The following CCDC38 variants were observed in gnomAD, a reference collection of about 807,000 sequenced individuals.
The protein encoded by CCDC38 is coiled-coil domain containing 38.
In CCDC38, 69 loss-of-function variants were observed where a neutral mutation model predicts 72.8. The ratio of observed to expected loss-of-function variants is 0.95; its 90% CI spans 0.78 to 1.16. CCDC38 has a LOEUF of 1.16. CCDC38 is among the 50% of genes most tolerant of loss of function. The pLI, the probability that CCDC38 is intolerant of heterozygous loss-of-function variation, is 0.00. For synonymous variants in CCDC38, 201 were observed against 213.2 expected, an observed-to-expected ratio of 0.94 and a Z score of 0.50; for missense variants, 626 against 638.9, an observed-to-expected ratio of 0.98 and a Z score of 0.22.
At chr12:95,897,727 A>G (rs369008287) in intron 7 of CCDC38, among the ~76,000 whole-genome samples, 1 of 151,884 alleles carries the variant, frequency 6.6e-6, no homozygotes, top group Non-Finnish European at 1.5e-5. Context: ...TCCTGCTCCA[A>G]TGCTTTTTTC....
At chr12:95,903,509 A>G in intron 5 of CCDC38, 1 of 697,944 alleles carries the variant, frequency 1.4e-6, no homozygotes, top group Non-Finnish European at 2.6e-6. Flanking sequence ...TTAGATATGT[A>G]ATGTTAGTGA....
At chr12:95,880,653 CA>C (rs34210026) in intron 11 of CCDC38, among the ~76,000 whole-genome samples, 523 of 125,544 alleles carry the variant, frequency 4.2e-3, no homozygotes, top group Middle Eastern at 8.4e-3. Flanking sequence ...AACTCCATTT[CA>C]AAAAAAAAAA....
chr12:95,875,061 A>G (rs1466722700), intron 13 of CCDC38, among the ~76,000 whole-genome samples: 2 of 152,230 alleles, frequency 1.3e-5, no homozygotes, highest in Non-Finnish European at 2.9e-5. Context: ...AGAAGTAACA[A>G]CTGCTACACT....
intron 4 of CCDC38, among the ~76,000 whole-genome samples, chr12:95,906,739 T>C (rs1322743117): frequency 6.6e-6 from 1 of 151,854 alleles, no homozygotes; most frequent in South Asian, 2.1e-4. Context: ...ATCCTGTCTA[T>C]GAGGTCCTGA....
chr12:95,886,968 G>A (rs574280780), intron 10 of CCDC38, among the ~76,000 whole-genome samples: 2 of 152,302 alleles, frequency 1.3e-5, no homozygotes, highest in Admixed American at 6.5e-5. Context: ...TGGATCACCT[G>A]AAGTCAGAAG....
In CCDC38 at chr12:95,879,918, A is replaced by T; in HGVS notation, c.991-123T>A. On this transcript the variant is annotated intron_variant, in intron 11 of 15. Coordinates refer to ENST00000344280, the MANE Select transcript of CCDC38 (RefSeq NM_182496.3). The surrounding 1 kb of genome is among the most constrained non-coding windows in gnomAD (Gnocchi z 5.5). ...TTCTAAGGATGAGGGAGACACAGGT[A>T]GGAACTTGTATGGGAAACTCGCCTA... The T allele has an allele frequency of 1.5e-6, 1 of 653,116 alleles. No homozygotes were observed. The highest frequency in any genetic ancestry group is 2.5e-6 in the Non-Finnish European group (1 of 406,194). 40.5% of individuals were successfully genotyped at this position (653,116 alleles called of 1,614,324 possible).
At chr12:95,923,775 G>T (rs1157038030) in intron 2 of CCDC38, among the ~76,000 whole-genome samples, 1 of 150,718 alleles carries the variant, frequency 6.6e-6, no homozygotes, top group Non-Finnish European at 1.5e-5. Flanking sequence ...TCCCACCTAT[G>T]AGTGAGAATA....
At chr12:95,878,575 C>T (rs974024556) in intron 12 of CCDC38, among the ~76,000 whole-genome samples, 4 of 152,188 alleles carry the variant, frequency 2.6e-5, no homozygotes, top group African/African-American at 7.2e-5. Context: ...TTTTCTTCCC[C>T]TCCCCTACTT....
At chr12:95,921,763 AAGAGG>A (rs2080211893) in intron 2 of CCDC38, among the ~76,000 whole-genome samples, 1 of 130,378 alleles carries the variant, frequency 7.7e-6, no homozygotes, top group South Asian at 2.5e-4. Flanking sequence ...GGAAGATAGG[AAGAGG>A]ATTCCTGAAG....
intron 13 of CCDC38, 124 bp from the exon 14 acceptor site, chr12:95,872,584 A>T (rs557626739): frequency 8.7e-6 from 6 of 693,424 alleles, no homozygotes; most frequent in African/African-American, 1.8e-5. Flanking sequence ...TATTTTTATT[A>T]TTTTTTTTGA....
intron 2 of CCDC38, among the ~76,000 whole-genome samples, chr12:95,925,573 C>T (rs1332659885): frequency 2.6e-5 from 4 of 152,154 alleles, no homozygotes; most frequent in African/African-American, 7.2e-5. Flanking sequence ...ACTTCCAACA[C>T]GATGTTGAAT....
chr12:95,874,630 C>G (rs184051938), intron 13 of CCDC38, among the ~76,000 whole-genome samples: 3 of 152,290 alleles, frequency 2.0e-5, no homozygotes, highest in South Asian at 4.1e-4. Context: ...CAGCCCCATC[C>G]CTGGAACTGC....
chr12:95,903,655 G>T (rs1024919563), intron 5 of CCDC38: 13 of 480,896 alleles, frequency 2.7e-5, no homozygotes, highest in Non-Finnish European at 4.0e-5. Context: ...AATCATATGG[G>T]TTTTCATTTT....
chr12:95,878,530 G>A (rs1218263252), intron 12 of CCDC38, among the ~76,000 whole-genome samples, 184 bp from the exon 13 acceptor site: 1 of 152,122 alleles, frequency 6.6e-6, no homozygotes, highest in Non-Finnish European at 1.5e-5. Context: ...AAAAATACAT[G>A]CACAAATGCT....
intron 2 of CCDC38, 24 bp downstream of exon 2, chr12:95,936,449 A>G: frequency 6.2e-7 from 1 of 1,610,872 alleles, no homozygotes; most frequent in Non-Finnish European, 8.5e-7. Context: ...CCAAACAAGA[A>G]TATATTGATT....
chr12:95,908,330 CGCGCGCCTGCAATCGCAG>C (rs1026270130), intron 4 of CCDC38, among the ~76,000 whole-genome samples: 2 of 149,800 alleles, frequency 1.3e-5, no homozygotes, highest in African/African-American at 4.9e-5. Context: ...GGCGTGGCGG[CGCGCGCCTGCAATCGCAG>C]GCACTCGGCA....
chr12:95,912,880 C>T (rs570483111), intron 4 of CCDC38, among the ~76,000 whole-genome samples: 3 of 151,886 alleles, frequency 2.0e-5, no homozygotes, highest in South Asian at 2.1e-4. Context: ...GACAACATGG[C>T]GAAGGCTTGT....
chr12:95,894,555 G>A (rs2079864953), intron 8 of CCDC38, among the ~76,000 whole-genome samples: 1 of 152,198 alleles, frequency 6.6e-6, no homozygotes, highest in African/African-American at 2.4e-5. Flanking sequence ...TACTCTCTTA[G>A]TTTCCACAAG....
intron 7 of CCDC38, 109 bp from the exon 8 acceptor site, chr12:95,895,255 A>T: frequency 1.5e-6 from 1 of 661,420 alleles, no homozygotes; most frequent in Non-Finnish European, 2.3e-6. Flanking sequence ...TAATAATTTA[A>T]TTATCAAAAA....
Sources: gnomAD v4.1 joint callset for allele counts (sites outside exome capture counted in the v4.1 genomes callset) on GRCh38, gnomAD v4.1.1 for gene constraint, Gnocchi (gnomAD v3.1) non-coding constraint, MANE v1.5 for transcripts, NCBI Gene and HGNC (gene_info 2026-07-23, HGNC 2026-07-21) for gene names.